Variants in STAG3 observed in about 807,000 individuals in gnomAD.
STAG3 encodes cohesin subunit SA-3.
STAG3 carries 101 observed loss-of-function variants against 160.7 expected under a neutral mutation model. The observed-to-expected ratio is 0.63, with a 90% confidence interval of 0.54 to 0.74. The LOEUF (loss-of-function observed/expected upper bound fraction) is 0.74. STAG3 is among the 30% of genes least tolerant of loss of function. STAG3 has a pLI of 0.00. For synonymous variants in STAG3, 519 were observed against 585.0 expected (o/e 0.89, Z 1.63); for missense variants, 1,188 against 1,517.4 (o/e 0.78, Z 3.61).
intron 3 of STAG3, 92 bp downstream of exon 3, chr7:100,182,284 AG>A: frequency 1.1e-6 from 1 of 899,382 alleles, no homozygotes; most frequent in Non-Finnish European, 1.7e-6. Context: ...GCGTGAACCC[AG>A]GGGGCAGAGC....
At position 100,197,948 on chromosome 7, in the gene STAG3, C is replaced by A. The variant is rs1470659825; in HGVS notation, c.1164+72C>A. On this transcript the variant is annotated intron_variant, in intron 11 of 33. Transcript: ENST00000615138. ...ATTTCCCCACCTTGTATCTTTCTAC[C>A]CCTCATGCTCTAAGATGTCTTGGCT... 1.7e-5 allele frequency: 26 copies of A among 1,512,798 alleles called. No homozygotes were observed. In the Middle Eastern group the frequency reaches 5.1e-4, roughly 30 times the overall value. The allele number at this position is 1,512,798 out of a possible 1,614,324, so 93.7% of individuals were successfully genotyped here. A position where few individuals can be genotyped will look rare whatever the true frequency, so the allele number is the denominator to read the frequency against.
rs766420966 is a variant in STAG3, at chr7:100,211,819, G to A, written c.3543G>A (p.Glu1181=). 24 of 1,614,026 alleles carry A rather than the reference G, an allele frequency of 1.5e-5. No individual in the cohort carries two copies. The South Asian group carries it at 2.0e-4, about 13-fold the overall frequency. Residue 1181 remains glutamate, a synonymous_variant, in exon 32 of 34, where the codon GAG becomes GAA. Coordinates refer to ENST00000615138, the MANE Select transcript of STAG3 (RefSeq NM_001282717.2). ...LMRLSLMEED[E]EEELEIQDES... Reference sequence around the variant, plus strand: ...GACTCAGCCTTATGGAAGAGGACGAGGAAGAAGAGTTAGAAATCCAGGATG... The same window carrying A: ...GACTCAGCCTTATGGAAGAGGACGAAGAAGAAGAGTTAGAAATCCAGGATG...
downstream of STAG3, among the ~76,000 whole-genome samples, chr7:100,216,333 ATTC>A (rs1326832189): frequency 3.5e-5 from 5 of 141,530 alleles, no homozygotes; most frequent in African/African-American, 1.1e-4. Flanking sequence ...ACATATACTA[ATTC>A]TTCTATATTA....
In STAG3 at chr7:100,213,735, C is replaced by G; in HGVS notation, c.3601C>G (p.Gln1201Glu). 1 of 1,614,212 alleles carries G rather than the reference C, an allele frequency of 6.2e-7. No homozygotes were observed. The highest frequency in any genetic ancestry group is 8.5e-7 in the Non-Finnish European group (1 of 1,180,020). The change falls in exon 33 of 34, where the codon CAA becomes GAA. Residue 1201 changes from glutamine (Q) to glutamate (E), a missense_variant and splice_region_variant. Transcript: ENST00000615138. ...SNEERQDTDM[Q>E]ASSYSSTSER... is the part of the protein sequence containing the mutation. ...TGACTTTTAACCTCATTCTCTCTAG[C>G]AAGCAAGTAGCTACTCTTCCACCAG...
chr7:100,195,211 A>C (rs1334559214), intron 8 of STAG3, 98 bp from the exon 9 acceptor site: 3 of 1,029,648 alleles, frequency 2.9e-6, no homozygotes, highest in Non-Finnish European at 4.6e-6. Flanking sequence ...TCCTATAATA[A>C]ACAGGAAGTA....
In STAG3 at chr7:100,177,938, C is replaced by T. The variant is rs1017760218; in HGVS notation, c.-132C>T. On this transcript the variant is annotated 5_prime_UTR_variant, in exon 1 of 34. Coordinates refer to ENST00000615138, the MANE Select transcript of STAG3 (RefSeq NM_001282717.2). ...CCCGCGCTTTTCTGGAATCTTTCGCCCCCGGAAGGGCAGCGGCGGGCGCCT... is the reference window on the plus strand; with the variant it reads ...CCCGCGCTTTTCTGGAATCTTTCGCTCCCGGAAGGGCAGCGGCGGGCGCCT... 2.0e-5 allele frequency: 3 copies of T among 152,516 alleles called. No individual in the cohort carries two copies. The highest frequency in any genetic ancestry group is 2.9e-5 in the Non-Finnish European group (2 of 68,258). 9.4% of individuals were successfully genotyped at this position (152,516 alleles called of 1,614,324 possible). A position where few individuals can be genotyped will look rare whatever the true frequency, so the allele number is the denominator to read the frequency against.
downstream of STAG3, chr7:100,218,361 A>C (rs58267233): frequency 0.029 from 5,094 of 178,258 alleles, 3 homozygotes; most frequent in African/African-American, 0.11. Context: ...TTTCTAGTAT[A>C]ACTATTCTTA....
chr7:100,213,601 TCC>T (rs1415741167), intron 32 of STAG3, 132 bp from the exon 33 acceptor site: 1 of 1,504,856 alleles, frequency 6.6e-7, no homozygotes. Flanking sequence ...CTGACTTCCC[TCC>T]CAGGAGGTGC....
chr7:100,180,703 C>G, intron 2 of STAG3, 31 bp downstream of exon 2: 6 of 1,317,512 alleles, frequency 4.6e-6, no homozygotes, highest in Non-Finnish European at 5.5e-6. Flanking sequence ...GTGGCCACTT[C>G]CTGTGTCCCT....
At position 100,204,702 on chromosome 7, in the gene STAG3, C is replaced by G. The variant is rs1212940299; in HGVS notation, c.2878C>G (p.Leu960Val). 6.2e-6 allele frequency: 10 copies of G among 1,614,060 alleles called. No individual in the cohort carries two copies. Among genetic ancestry groups the G allele is most frequent in the Non-Finnish European group, 8.5e-6 (10 of 1,180,032 alleles). ...TCCTGCCTTCATCGAGATGAGGGAC[C>G]TGGCCCGGAGGTTTGCCTTGAGTTT... Reference protein sequence around the residue: ...ELPAFIEMRDLARRFALSFGP... With the variant: ...ELPAFIEMRDVARRFALSFGP... Residue 960 changes from leucine to valine, a missense_variant, in exon 27 of 34, where the codon CTG (leucine) becomes GTG (valine). Physicochemically the swap from Leu to Val is conservative, Grantham distance 32 (BLOSUM62 1). Around this residue, in one of 4 missense-constraint regions of STAG3, gnomAD observed 647 missense variants for 717.2 expected, o/e 0.90. Transcript: ENST00000615138.
At chr7:100,193,672 G>C (rs1355220087) in intron 8 of STAG3, among the ~76,000 whole-genome samples, 1 of 152,172 alleles carries the variant, frequency 6.6e-6, no homozygotes, top group East Asian at 1.9e-4. Context: ...AGCCTTCATA[G>C]AATGGAAAAC....
intron 29 of STAG3, among the ~76,000 whole-genome samples, chr7:100,208,033 G>A (rs1801821905): frequency 1.3e-5 from 2 of 151,942 alleles, no homozygotes; most frequent in Admixed American, 1.3e-4. Flanking sequence ...GGAGAATGGC[G>A]TGAACCCGGG....
intron 23 of STAG3, 47 bp from the exon 24 acceptor site, chr7:100,202,125 T>C: frequency 6.2e-7 from 1 of 1,609,346 alleles, no homozygotes; most frequent in Non-Finnish European, 8.5e-7. Context: ...ATTTCTACCT[T>C]GGGAAACATT....
At chr7:100,186,013 G>C (rs554334811) in intron 4 of STAG3, among the ~76,000 whole-genome samples, 187 bp from the exon 5 acceptor site, 1 of 152,104 alleles carries the variant, frequency 6.6e-6, no homozygotes, top group Non-Finnish European at 1.5e-5. Context: ...TACCTCCCAG[G>C]GTTGCTACTT....
At position 100,199,384 on chromosome 7, in the gene STAG3, G is replaced by A. The variant is rs1800919347; in HGVS notation, c.1573+17G>A. On this transcript the variant is annotated intron_variant, in intron 15 of 33. Coordinates refer to ENST00000615138, the MANE Select transcript of STAG3 (RefSeq NM_001282717.2). ...AGGACCAGAGTACGTGTCACACGGAGCCAGGGACAGGGACCTTCCACCCCC... is the reference window on the plus strand; with the variant it reads ...AGGACCAGAGTACGTGTCACACGGAACCAGGGACAGGGACCTTCCACCCCC... 1 of 1,607,580 alleles carries A rather than the reference G, an allele frequency of 6.2e-7. No individual in the cohort carries two copies. Among genetic ancestry groups the A allele is most frequent in the Non-Finnish European group, 8.5e-7 (1 of 1,174,192 alleles).
intron 29 of STAG3, among the ~76,000 whole-genome samples, chr7:100,205,992 T>C (rs1235690073): frequency 1.3e-5 from 2 of 152,130 alleles, no homozygotes; most frequent in Non-Finnish European, 2.9e-5. Flanking sequence ...TGTTGTCTTA[T>C]AAGTTGCCTA....
chr7:100,188,321 A>AC, intron 5 of STAG3, 132 bp from the exon 6 acceptor site: 2 of 770,936 alleles, frequency 2.6e-6, no homozygotes, highest in Non-Finnish European at 4.8e-6. Context: ...CAGACTGTTG[A>AC]CCAGGGGGTC....
In STAG3 at chr7:100,187,349, C is replaced by T. The variant is rs79542920; in HGVS notation, c.433+1053C>T. Among the ~76,000 whole-genome samples the T allele has an allele frequency of 4.3e-3, 641 of 149,816 alleles. 6 individuals are homozygous for T. Among genetic ancestry groups the T allele is most frequent in the African/African-American group, 0.015 (607 of 40,734 alleles). On this transcript the variant is annotated intron_variant, in intron 5 of 33. Coordinates refer to ENST00000615138, the MANE Select transcript of STAG3 (RefSeq NM_001282717.2). Reference sequence around the variant, plus strand: ...GTTTTTTGGTTTGTTTTTTTTTTGTCGTTGTTGTTGTTGTTTTTTGGCAGT... The same window carrying T: ...GTTTTTTGGTTTGTTTTTTTTTTGTTGTTGTTGTTGTTGTTTTTTGGCAGT...
Position 100,186,084 on chromosome 7 carries a change from G to T in STAG3, c.337-116G>T, listed in dbSNP as rs541101333. ...TCATTCTAGTTCACCAGTACATTGT[G>T]AAAGATGTTTTAAATGTTTTACAGA... On this transcript the variant is annotated intron_variant, in intron 4 of 33. Transcript: ENST00000615138. The T allele has an allele frequency of 5.7e-6, 5 of 876,418 alleles. No individual in the cohort carries two copies. The East Asian group carries it at 1.2e-4, about 21-fold the overall frequency. The allele number at this position is 876,418 out of a possible 1,614,324, so 54.3% of individuals were successfully genotyped here. A position where few individuals can be genotyped will look rare whatever the true frequency, so the allele number is the denominator to read the frequency against.
Sources: gnomAD v4.1 joint callset for allele counts (sites outside exome capture counted in the v4.1 genomes callset) on GRCh38, gnomAD v4.1.1 for gene constraint, gnomAD v4.1.1 regional missense constraint, MANE v1.5 for transcripts, NCBI Gene and HGNC (gene_info 2026-07-23, HGNC 2026-07-21) for gene names.